Variants in MPHOSPH6 observed in about 807,000 individuals in gnomAD.
The protein encoded by MPHOSPH6 is M-phase phosphoprotein 6.
MPHOSPH6 carries 25 observed loss-of-function variants against 21.8 expected under a neutral mutation model. The ratio of observed to expected loss-of-function variants is 1.15; its 90% CI spans 0.83 to 1.60. MPHOSPH6 has a LOEUF of 1.60. MPHOSPH6 is among the 40% of genes most tolerant of loss of function. MPHOSPH6 has a pLI of 0.00. For synonymous variants in MPHOSPH6, 84 were observed against 56.5 expected (o/e 1.49, Z -2.18); for missense variants, 269 against 181.8 (o/e 1.48, Z -2.76).
At chr16:82,167,947 C>G (rs1320522011) in intron 1 of MPHOSPH6, among the ~76,000 whole-genome samples, 1 of 152,316 alleles carries the variant, frequency 6.6e-6, no homozygotes, top group East Asian at 1.9e-4. Flanking sequence ...GCAGCTACTC[C>G]ATGCCTTCTC....
At chr16:82,152,335 T>A (rs571549538) in intron 2 of MPHOSPH6, among the ~76,000 whole-genome samples, 1 of 152,194 alleles carries the variant, frequency 6.6e-6, no homozygotes, top group East Asian at 1.9e-4. Flanking sequence ...GGAGAAGTAG[T>A]GGGAAATCAG....
intron 3 of MPHOSPH6, 165 bp downstream of exon 3, chr16:82,151,259 C>A (rs1367395083): frequency 8.4e-6 from 8 of 953,922 alleles, no homozygotes; most frequent in Non-Finnish European, 1.1e-5. Flanking sequence ...AACTAGACTG[C>A]AATGCCTCCA....
chr16:82,168,079 C>T (rs1239025929), intron 1 of MPHOSPH6, among the ~76,000 whole-genome samples: 1 of 152,134 alleles, frequency 6.6e-6, no homozygotes, highest in African/African-American at 2.4e-5. Context: ...TTTTCCTTCT[C>T]CTTTGCTTCC....
chr16:82,148,857 C>G lies in MPHOSPH6; in HGVS notation c.357G>C (p.Glu119Asp), dbSNP rs949115471. ...TTTTCCCAATTGTCCCCACCAAGGT[C>G]TCATATCTGTCAAGAGGACAGGCAG... ...VSDEEMARRY[E>D]TLVGTIGKKF... is the part of the protein sequence containing the mutation. Residue 119 changes from glutamate to aspartate, a missense_variant, in exon 5 of 5, where the codon GAG becomes GAC. By Grantham distance (45) the Glu-to-Asp change is conservative. Coordinates refer to ENST00000258169, the MANE Select transcript of MPHOSPH6 (RefSeq NM_005792.2). 1 of 1,614,068 alleles carries G rather than the reference C, an allele frequency of 6.2e-7. No individual in the cohort carries two copies. The highest frequency in any genetic ancestry group is 2.2e-5 in the East Asian group (1 of 44,882).
At chr16:82,153,432 C>T (rs1461878754) in intron 2 of MPHOSPH6, among the ~76,000 whole-genome samples, 1 of 152,224 alleles carries the variant, frequency 6.6e-6, no homozygotes, top group East Asian at 1.9e-4. Context: ...GCGGAGCTTT[C>T]TGCCTGGAGG....
intron 3 of MPHOSPH6, 113 bp from the exon 4 acceptor site, chr16:82,149,516 C>G: frequency 1.2e-6 from 1 of 864,796 alleles, no homozygotes. Flanking sequence ...GAGAACTAGT[C>G]AAAATTGATA....
intron 2 of MPHOSPH6, among the ~76,000 whole-genome samples, chr16:82,157,390 C>T (rs986874284): frequency 6.6e-6 from 1 of 152,224 alleles, no homozygotes; most frequent in Non-Finnish European, 1.5e-5. Context: ...CAGTTAAGCA[C>T]ATATTGCACA....
At chr16:82,149,160 T>G (rs898784107) in intron 4 of MPHOSPH6, 149 bp downstream of exon 4, 10 of 859,778 alleles carry the variant, frequency 1.2e-5, no homozygotes, top group Non-Finnish European at 1.9e-5. Context: ...GTGGCCCCCG[T>G]AGGCCATTAA....
intron 2 of MPHOSPH6, among the ~76,000 whole-genome samples, chr16:82,161,836 G>A (rs1906617283): frequency 6.6e-6 from 1 of 152,182 alleles, no homozygotes; most frequent in Non-Finnish European, 1.5e-5. Context: ...GGCTAAAAGT[G>A]TCCCCTGTGA....
chr16:82,152,332 T>C (rs549685997), intron 2 of MPHOSPH6, among the ~76,000 whole-genome samples: 2 of 152,230 alleles, frequency 1.3e-5, no homozygotes, highest in East Asian at 3.9e-4. Flanking sequence ...CCAGGAGAAG[T>C]AGTGGGAAAT....
intron 2 of MPHOSPH6, among the ~76,000 whole-genome samples, chr16:82,158,583 T>C (rs1906507873): frequency 1.3e-5 from 2 of 151,618 alleles, no homozygotes; most frequent in South Asian, 2.1e-4. Flanking sequence ...GAGAGATGAA[T>C]TAGACACTTT....
At chr16:82,151,361 A>T in intron 3 of MPHOSPH6, 63 bp downstream of exon 3, 1 of 1,590,048 alleles carries the variant, frequency 6.3e-7, no homozygotes, top group African/African-American at 1.4e-5. Flanking sequence ...ACCTAAGCCC[A>T]ATTATTAGCA....
At chr16:82,166,251 C>T (rs1394543908) in intron 1 of MPHOSPH6, among the ~76,000 whole-genome samples, 4 of 152,216 alleles carry the variant, frequency 2.6e-5, no homozygotes. Context: ...AACAAGTTTG[C>T]AGACTAGTGT....
At chr16:82,156,772 G>C (rs1597161427) in intron 2 of MPHOSPH6, among the ~76,000 whole-genome samples, 1 of 152,098 alleles carries the variant, frequency 6.6e-6, no homozygotes, top group Admixed American at 6.5e-5. Flanking sequence ...TTATCCATAA[G>C]CGTAAAAAAA....
chr16:82,164,506 T>C (rs1454698394), intron 1 of MPHOSPH6: 1 of 241,392 alleles, frequency 4.1e-6, no homozygotes, highest in Non-Finnish European at 7.9e-6. Context: ...CCTGCTGATC[T>C]GGGGTTGAAA....
intron 1 of MPHOSPH6, among the ~76,000 whole-genome samples, chr16:82,168,891 T>C (rs1012810345): frequency 6.6e-5 from 10 of 152,166 alleles, no homozygotes; most frequent in African/African-American, 2.2e-4. Context: ...CATCACAGAG[T>C]ACAGAGTAGT....
intron 3 of MPHOSPH6, 99 bp from the exon 4 acceptor site, chr16:82,149,502 T>TTGA: frequency 6.2e-6 from 6 of 965,070 alleles, no homozygotes; most frequent in Admixed American, 1.8e-5. Flanking sequence ...AGTCAAATAA[T>TTGA]CTAGAGAACT....
chr16:82,155,359 T>C (rs193234261), intron 2 of MPHOSPH6, among the ~76,000 whole-genome samples: 17 of 152,324 alleles, frequency 1.1e-4, no homozygotes, highest in Admixed American at 9.8e-4. Flanking sequence ...GGAGATAAAA[T>C]GTATAACTGT....
chr16:82,160,446 GGCACTAACTGCCC>G (rs1415234397), intron 2 of MPHOSPH6, among the ~76,000 whole-genome samples: 3 of 152,152 alleles, frequency 2.0e-5, no homozygotes, highest in Non-Finnish European at 4.4e-5. Context: ...TTTTGAGTGA[GGCACTAACTGCCC>G]GGTTGCTCTG....
Sources: gnomAD v4.1 joint callset for allele counts (sites outside exome capture counted in the v4.1 genomes callset) on GRCh38, gnomAD v4.1.1 for gene constraint, MANE v1.5 for transcripts, NCBI Gene and HGNC (gene_info 2026-07-23, HGNC 2026-07-21) for gene names.